Variants in CHMP1A observed in about 807,000 individuals in gnomAD.
CHMP1A encodes the protein charged multivesicular body protein 1A, also known as VPS46 homolog A.
Under a neutral mutation model 27.0 loss-of-function variants are expected in CHMP1A, and 17 were observed. That is an observed-to-expected ratio of 0.63 (90% CI 0.43 to 0.95). The LOEUF is 0.95. CHMP1A is among the 40% of genes least tolerant of loss of function. The pLI is 0.00. For missense variants in CHMP1A, 275 were observed against 264.0 expected (o/e 1.04, Z -0.29); for synonymous variants, 131 against 107.5 (o/e 1.22, Z -1.35).
At chr16:89,653,172 C>A (rs1347479819) in intron 2 of CHMP1A, among the ~76,000 whole-genome samples, 1 of 150,920 alleles carries the variant, frequency 6.6e-6, no homozygotes, top group Non-Finnish European at 1.5e-5. Flanking sequence ...TGCCTGCCAC[C>A]GCGCCCGGCT....
Position 89,646,513 on chromosome 16 carries a change from G to C in CHMP1A, c.569+14C>G. 1.3e-6 allele frequency: 2 copies of C among 1,560,442 alleles called. No individual in the cohort carries two copies. Among genetic ancestry groups the C allele is most frequent in the Non-Finnish European group, 1.7e-6 (2 of 1,151,538 alleles). On this transcript the variant is annotated intron_variant, in intron 6 of 6. Coordinates refer to ENST00000397901, the MANE Select transcript of CHMP1A (RefSeq NM_002768.5). ...GTGGGGTTGGTGACACAGCGTTTCG[G>C]GGACCGACCCTACCTCCGTGACAGC... is the stretch of plus-strand genomic sequence containing the variant.
At chr16:89,649,239 C>T (rs980194567) in intron 4 of CHMP1A, 112 bp downstream of exon 4, 13 of 1,293,838 alleles carry the variant, frequency 1.0e-5, no homozygotes, top group East Asian at 2.5e-5. Flanking sequence ...CTCCCCACCC[C>T]GCGCTGATCC....
At chr16:89,655,845 C>CA (rs1390034347) in intron 1 of CHMP1A, among the ~76,000 whole-genome samples, 1 of 152,162 alleles carries the variant, frequency 6.6e-6, no homozygotes, top group Non-Finnish European at 1.5e-5. Context: ...AGGCTGGTCT[C>CA]AAACTCCTGA....
chr16:89,655,810 G>C (rs1031849195), intron 1 of CHMP1A, among the ~76,000 whole-genome samples: 10 of 152,132 alleles, frequency 6.6e-5, no homozygotes, highest in African/African-American at 2.4e-4. Context: ...ATTTTTAGAA[G>C]AGACGGGGTT....
At chr16:89,654,089 A>G (rs546879747) in intron 1 of CHMP1A, among the ~76,000 whole-genome samples, 166 bp from the exon 2 acceptor site, 2 of 152,218 alleles carry the variant, frequency 1.3e-5, no homozygotes, top group African/African-American at 4.8e-5. Flanking sequence ...GGGAGGCACG[A>G]GACAGATTCG....
rs778474693 is a variant in CHMP1A at position 89,646,673 on chromosome 16, C to T, written c.423G>A (p.Thr141=). 26 of 1,610,592 alleles carry T rather than the reference C, an allele frequency of 1.6e-5. No homozygotes were observed. Among genetic ancestry groups the T allele is most frequent in the Middle Eastern group, 3.3e-4 (2 of 6,078 alleles). Residue 141 remains threonine (T), a synonymous_variant, in exon 6 of 7, where the codon ACG becomes ACA. Coordinates refer to ENST00000397901, the MANE Select transcript of CHMP1A (RefSeq NM_002768.5). ...TGAGGCTGTCCACCTGCTCCTGCGG[C>T]GTGGTCAGGGTGGTGGCCGAGCTCA... ...DSMSSATTLT[T]PQEQVDSLIM... is the part of the protein sequence containing the mutation.
At chr16:89,649,310 C>G (rs771689671) in intron 4 of CHMP1A, 41 bp downstream of exon 4, 4 of 1,597,154 alleles carry the variant, frequency 2.5e-6, no homozygotes, top group East Asian at 2.3e-5. Flanking sequence ...CTGCTTCAGC[C>G]AGCGAACGCC....
chr16:89,647,379 A>G (rs374055872), intron 4 of CHMP1A, 48 bp from the exon 5 acceptor site: 24 of 1,565,596 alleles, frequency 1.5e-5, no homozygotes, highest in Non-Finnish European at 2.0e-5. Context: ...AGGCAAGTGG[A>G]GCTCACGCAC....
intron 1 of CHMP1A, among the ~76,000 whole-genome samples, chr16:89,655,548 ACT>A (rs772794981): frequency 1.3e-5 from 2 of 151,792 alleles, no homozygotes; most frequent in Non-Finnish European, 2.9e-5. Flanking sequence ...GCAAAATCTG[ACT>A]CTGAGGAAAT....
chr16:89,652,787 C>A (rs1157268022), intron 2 of CHMP1A, among the ~76,000 whole-genome samples: 2 of 152,180 alleles, frequency 1.3e-5, no homozygotes, highest in Non-Finnish European at 2.9e-5. Context: ...ATCACTCCTG[C>A]CCAGTAGCTC....
intron 2 of CHMP1A, among the ~76,000 whole-genome samples, chr16:89,653,002 CTTTTTTTTTTTTCTTTTCTT>C (rs1299269572): frequency 4.5e-5 from 6 of 132,646 alleles, no homozygotes; most frequent in East Asian, 5.5e-4. Flanking sequence ...CCCAAGTTGT[CTTTTTTTTTTTTCTTTTCTT>C]TTTTTTTTTT....
rs1435165182 is a variant in CHMP1A, at chr16:89,647,198, C to T, written c.381+5G>A. ...GCCACAGCCCCAAGGGTAGGGGCCA[C>T]ATACCGATGTATGGACGTCCAGGTT... On this transcript the variant is annotated splice_donor_5th_base_variant and intron_variant, in intron 5 of 6. Transcript: ENST00000397901. The T allele has an allele frequency of 6.2e-7, 1 of 1,608,542 alleles. No individual in the cohort carries two copies. Among genetic ancestry groups the T allele is most frequent in the South Asian group, 1.1e-5 (1 of 89,784 alleles).
chr16:89,652,760 T>G (rs1010581922), intron 2 of CHMP1A, among the ~76,000 whole-genome samples: 1 of 151,894 alleles, frequency 6.6e-6, no homozygotes, highest in Non-Finnish European at 1.5e-5. Context: ...CAAAGCTGCA[T>G]ACGGTAGCTC....
chr16:89,645,083 C>G lies in CHMP1A; in HGVS notation c.*983G>C, dbSNP rs1059958. 1 of 152,370 alleles carries G rather than the reference C, an allele frequency of 6.6e-6. No individual in the cohort carries two copies. Among genetic ancestry groups the G allele is most frequent in the African/African-American group, 2.4e-5 (1 of 41,460 alleles). 9.4% of individuals were successfully genotyped at this position (152,370 alleles called of 1,614,324 possible). A position where few individuals can be genotyped will look rare whatever the true frequency, so the allele number is the denominator to read the frequency against. The stretch of plus-strand genomic sequence containing the variant: ...AACCCCAGCCCAGCTGAAGACGGCT[C>G]TCCTGAGCTCCCTTCATCAGCTGCC... On this transcript the variant is annotated 3_prime_UTR_variant, in exon 7 of 7. Transcript: ENST00000397901.
In CHMP1A at chr16:89,644,522, T is replaced by G. The variant is rs1248944425; in HGVS notation, c.*1544A>C. 2 of 152,254 alleles carry G rather than the reference T, an allele frequency of 1.3e-5. No homozygotes were observed. The highest frequency in any genetic ancestry group is 4.8e-5 in the African/African-American group (2 of 41,440). The allele number at this position is 152,254 out of a possible 1,614,324, so 9.4% of individuals were successfully genotyped here. The stretch of plus-strand genomic sequence containing the variant: ...TCCTCAGTGCCCAAGGGGACAGGAC[T>G]GAGGCAGCCCCACCTGGCCCATGGC... On this transcript the variant is annotated 3_prime_UTR_variant, in exon 7 of 7. Coordinates refer to ENST00000397901, the MANE Select transcript of CHMP1A (RefSeq NM_002768.5).
Position 89,657,690 on chromosome 16 carries a change from G to T in CHMP1A, c.-102C>A. ...TCGAACCGACCAAGCTGCACCCGGC[G>T]GGGACTTCCGGGGTCGCCGCCCCAC... is the stretch of plus-strand genomic sequence containing the variant. On this transcript the variant is annotated 5_prime_UTR_variant, in exon 1 of 7. Coordinates refer to ENST00000397901, the MANE Select transcript of CHMP1A (RefSeq NM_002768.5). 1.3e-6 allele frequency: 2 copies of T among 1,570,138 alleles called. No individual in the cohort carries two copies. Among genetic ancestry groups the T allele is most frequent in the East Asian group, 2.4e-5 (1 of 41,484 alleles).
Position 89,649,732 on chromosome 16 carries a change from T to C in CHMP1A, c.106-235A>G, listed in dbSNP as rs145615852. Reference sequence around the variant, plus strand: ...TTGGGACTACAGGCGCCCGCCACCATGCCTGGCTAATTTTTTTGTATTTTT... The same window carrying C: ...TTGGGACTACAGGCGCCCGCCACCACGCCTGGCTAATTTTTTTGTATTTTT... On this transcript the variant is annotated intron_variant, in intron 3 of 6. Coordinates refer to ENST00000397901, the MANE Select transcript of CHMP1A (RefSeq NM_002768.5). 100,424 of 482,074 alleles carry C rather than the reference T, an allele frequency of 0.21. 11,263 individuals are homozygous for C. Among genetic ancestry groups the C allele is most frequent in the South Asian group, 0.29 (11,377 of 39,858 alleles). The allele number at this position is 482,074 out of a possible 1,614,324, so 29.9% of individuals were successfully genotyped here.
At position 89,645,996 on chromosome 16, in the gene CHMP1A, G is replaced by A. The variant is rs374390578; in HGVS notation, c.*70C>T. The A allele has an allele frequency of 1.1e-5, 17 of 1,612,020 alleles. No homozygotes were observed. In the East Asian group the frequency reaches 2.2e-4, roughly 21 times the overall value. On this transcript the variant is annotated 3_prime_UTR_variant, in exon 7 of 7. Transcript: ENST00000397901. ...CGCGGGGTCAGCACAAAGGCAAGAC[G>A]CGGTGGGGAGAGGACAGGAGCCTTC...
At chr16:89,655,101 G>C (rs1157451805) in intron 1 of CHMP1A, among the ~76,000 whole-genome samples, 1 of 152,146 alleles carries the variant, frequency 6.6e-6, no homozygotes, top group Non-Finnish European at 1.5e-5. Flanking sequence ...TGAGGTTACT[G>C]AGTGTTCACA....
Sources: allele counts gnomAD v4.1 joint callset (sites outside exome capture counted in the v4.1 genomes callset), GRCh38; gene constraint gnomAD v4.1.1; transcripts MANE v1.5; gene names NCBI Gene and HGNC (gene_info 2026-07-23, HGNC 2026-07-21).